Variants in PPFIA3 observed in about 807,000 individuals in gnomAD.
The protein encoded by PPFIA3 is PPFI scaffold protein A3.
PPFIA3 carries 26 observed loss-of-function variants against 145.8 expected under a neutral mutation model. The ratio of observed to expected loss-of-function variants is 0.18; its 90% CI spans 0.13 to 0.25. The LOEUF is 0.25. Ranked by LOEUF, PPFIA3 falls within the 10% of genes least tolerant of loss-of-function variation. PPFIA3 has a pLI of 1.00. For missense variants in PPFIA3, 1,008 were observed against 1,587.8 expected (o/e 0.63, Z 6.21); for synonymous variants, 645 against 661.4 (o/e 0.98, Z 0.38).
Position 49,130,204 on chromosome 19 carries a change from G to A in PPFIA3, c.657+137G>A. On this transcript the variant is annotated intron_variant, in intron 6 of 29. Transcript: ENST00000334186. This position sits in a 1 kb window ranked among gnomAD's most constrained non-coding sequence, Gnocchi z 4.5. Reference sequence around the variant, plus strand: ...AGAGTGTCACAGAGCTTGGACCTCTGATTCAGGTCACCTAGCGAACTTCTG... The same window carrying A: ...AGAGTGTCACAGAGCTTGGACCTCTAATTCAGGTCACCTAGCGAACTTCTG... The A allele has an allele frequency of 8.5e-7, 1 of 1,173,134 alleles. No homozygotes were observed. The highest frequency in any genetic ancestry group is 1.2e-6 in the Non-Finnish European group (1 of 843,386). The allele number at this position is 1,173,134 out of a possible 1,614,324, so 72.7% of individuals were successfully genotyped here. A position where few individuals can be genotyped will look rare whatever the true frequency, so the allele number is the denominator to read the frequency against.
At chr19:49,137,972 C>T (rs1050407086) in intron 15 of PPFIA3, among the ~76,000 whole-genome samples, 1 of 152,224 alleles carries the variant, frequency 6.6e-6, no homozygotes, top group South Asian at 2.1e-4. Context: ...ATACAAACCC[C>T]AATCACCTTG....
rs1682432084 is a variant in PPFIA3, at chr19:49,130,147, T to A, written c.657+80T>A. The stretch of plus-strand genomic sequence containing the variant: ...ATAGTGTTTGTAACGTTTGGTATCA[T>A]CCTCACTGGCCCTAAGACGGCTGCA... On this transcript the variant is annotated intron_variant, in intron 6 of 29. Transcript: ENST00000334186. This position sits in a 1 kb window ranked among gnomAD's most constrained non-coding sequence, Gnocchi z 4.5. 1.4e-6 allele frequency: 2 copies of A among 1,441,622 alleles called. No individual in the cohort carries two copies. Among genetic ancestry groups the A allele is most frequent in the African/African-American group, 2.8e-5 (2 of 70,246 alleles). 89.3% of individuals were successfully genotyped at this position (1,441,622 alleles called of 1,614,324 possible).
chr19:49,148,346 C>A (rs2041303582), intron 24 of PPFIA3, 88 bp downstream of exon 24: 1 of 1,408,476 alleles, frequency 7.1e-7, no homozygotes, highest in African/African-American at 1.4e-5. Context: ...ATGGGAGATT[C>A]CCAGGCTTAT....
chr19:49,146,223 T>A (rs781321491), intron 23 of PPFIA3, 31 bp downstream of exon 23: 16 of 1,610,852 alleles, frequency 9.9e-6, no homozygotes, highest in Non-Finnish European at 1.3e-5. Flanking sequence ...CGTGAGCGCA[T>A]GAACAGGCTG....
chr19:49,146,327 G>A, intron 23 of PPFIA3, 135 bp downstream of exon 23: 1 of 1,136,090 alleles, frequency 8.8e-7, no homozygotes, highest in Admixed American at 2.5e-5. Flanking sequence ...GCCAAGCTTG[G>A]CTCTGGACTG....
Position 49,133,993 on chromosome 19 carries a change from C to A in PPFIA3, c.1246-41C>A. On this transcript the variant is annotated intron_variant, in intron 10 of 29. Coordinates refer to ENST00000334186, the MANE Select transcript of PPFIA3 (RefSeq NM_003660.4). The surrounding 1 kb of genome is among the most constrained non-coding windows in gnomAD (Gnocchi z 7.2). ...CTTAGAGGAAGGGCCGTGGTCTGGG[C>A]AGGGTGGGCTTAACAACCCGCCCCG... 1 of 1,605,288 alleles carries A rather than the reference C, an allele frequency of 6.2e-7. No homozygotes were observed. The highest frequency in any genetic ancestry group is 8.5e-7 in the Non-Finnish European group (1 of 1,175,612).
chr19:49,149,336 C>G lies in PPFIA3; in HGVS notation c.3354+11C>G, dbSNP rs1313274540. 1 of 1,613,756 alleles carries G rather than the reference C, an allele frequency of 6.2e-7. No individual in the cohort carries two copies. The highest frequency in any genetic ancestry group is 8.5e-7 in the Non-Finnish European group (1 of 1,179,970). On this transcript the variant is annotated intron_variant, in intron 27 of 29. Transcript: ENST00000334186. This position sits in a 1 kb window ranked among gnomAD's most constrained non-coding sequence, Gnocchi z 5.7. ...AGGCGGCTGGACGAGGTGGGCGCGG[C>G]AACAGCTCAGAGGGCTCTGCTCCCA...
intron 18 of PPFIA3, among the ~76,000 whole-genome samples, chr19:49,140,701 C>T (rs1375283126): frequency 8.1e-6 from 1 of 123,416 alleles, no homozygotes; most frequent in Non-Finnish European, 1.6e-5. Context: ...GTCGCCCAGG[C>T]TGGAGTGCAG....
intron 25 of PPFIA3, 56 bp from the exon 26 acceptor site, chr19:49,148,937 A>C (rs2041310522): frequency 6.3e-7 from 1 of 1,599,580 alleles, no homozygotes; most frequent in African/African-American, 1.3e-5. Flanking sequence ...GTATGGGCTA[A>C]ACTGAACTCT....
Position 49,140,092 on chromosome 19 carries a change from A to C in PPFIA3, c.2368+4A>C. 6.2e-7 allele frequency: 1 copy of C among 1,613,778 alleles called. No homozygotes were observed. The highest frequency in any genetic ancestry group is 1.1e-5 in the South Asian group (1 of 91,048). On this transcript the variant is annotated splice_donor_region_variant and intron_variant, in intron 18 of 29. Transcript: ENST00000334186. ...GGCCGGGACAGCTCTTCTCTGGGTG[A>C]GTACCTCACTCTAACCCTTCCCTCC... is the stretch of plus-strand genomic sequence containing the variant.
intron 21 of PPFIA3, 93 bp downstream of exon 21, chr19:49,143,097 G>A (rs532571129): frequency 3.6e-6 from 5 of 1,376,914 alleles, no homozygotes; most frequent in Non-Finnish European, 5.0e-6. Context: ...TCACTCCCCT[G>A]TCCCACGACC....
Position 49,128,079 on chromosome 19 carries a change from C to T in PPFIA3, c.206C>T (p.Ser69Leu). The T allele has an allele frequency of 6.3e-7, 1 of 1,586,246 alleles. No homozygotes were observed. Among genetic ancestry groups the T allele is most frequent in the Non-Finnish European group, 8.5e-7 (1 of 1,174,354 alleles). ...CGCGAGCTCGGCCACGAGAAGGACT[C>T]GCTGCAGCGCCAGCTCAGCATCGCG... The part of the protein sequence containing the change: ...RLRELGHEKD[S>L]LQRQLSIALP... The change falls in exon 2 of 30, where the codon TCG (serine) becomes TTG (leucine). Residue 69 changes from serine to leucine, a missense_variant. Physicochemically the swap from Ser to Leu is moderately radical, Grantham distance 145. Coordinates refer to ENST00000334186, the MANE Select transcript of PPFIA3 (RefSeq NM_003660.4). The surrounding 1 kb of genome is among the most constrained non-coding windows in gnomAD (Gnocchi z 4.1).
At chr19:49,138,578 G>A (rs904090422) in intron 16 of PPFIA3, 151 bp downstream of exon 16, 4 of 559,612 alleles carry the variant, frequency 7.1e-6, no homozygotes, top group Non-Finnish European at 1.1e-5. Context: ...AAAGGGCAAA[G>A]GGGAGGCTGA....
In PPFIA3 at chr19:49,140,351, T is replaced by C. The variant is rs531406428; in HGVS notation, c.2368+263T>C. 2.7e-3 allele frequency among the ~76,000 whole-genome samples: 412 copies of C among 152,156 alleles called. 1 individual carries two copies. The highest frequency in any genetic ancestry group is 9.2e-3 in the African/African-American group (381 of 41,494). On this transcript the variant is annotated intron_variant, in intron 18 of 29. Coordinates refer to ENST00000334186, the MANE Select transcript of PPFIA3 (RefSeq NM_003660.4). ...TATTTTTTTGTTGTTTTTTGGTTTT[T>C]GTTGTTGTTGTTTTGAGATGGAGTT...
In PPFIA3 at chr19:49,129,384, G is replaced by T; in HGVS notation, c.512G>T (p.Arg171Leu). ...EHHKALDEKV[R>L]ERLRMALERV... ...TTGCCCTGCCCCGATCCCCAGGTCC[G>T]GGAGCGGCTGCGGATGGCGCTGGAG... Residue 171 changes from arginine (R) to leucine (L), a missense_variant, in exon 5 of 30, where the codon CGG becomes CTG. Coordinates refer to ENST00000334186, the MANE Select transcript of PPFIA3 (RefSeq NM_003660.4). The T allele has an allele frequency of 6.5e-7, 1 of 1,550,190 alleles. No homozygotes were observed. The highest frequency in any genetic ancestry group is 1.4e-5 in the African/African-American group (1 of 73,250).
chr19:49,142,526 T>C (rs1252521786), intron 20 of PPFIA3, among the ~76,000 whole-genome samples: 1 of 150,036 alleles, frequency 6.7e-6, no homozygotes, highest in Non-Finnish European at 1.5e-5. Context: ...TTTCTCTCTC[T>C]CTATTTCTTT....
At position 49,128,357 on chromosome 19, in the gene PPFIA3, G is replaced by C. The variant is rs759582401; in HGVS notation, c.241-10G>C. The C allele has an allele frequency of 2.5e-6, 4 of 1,612,424 alleles. No homozygotes were observed. Among genetic ancestry groups the C allele is most frequent in the Non-Finnish European group, 3.4e-6 (4 of 1,178,462 alleles). ...AGCCGAATGTCCAGATCCTGCCAAT[G>C]TCTGGACAGGAGTTTGCAGCTCTGA... On this transcript the variant is annotated splice_polypyrimidine_tract_variant and intron_variant, in intron 2 of 29. Coordinates refer to ENST00000334186, the MANE Select transcript of PPFIA3 (RefSeq NM_003660.4). The surrounding 1 kb of genome is among the most constrained non-coding windows in gnomAD (Gnocchi z 4.1).
chr19:49,139,941 A>T lies in PPFIA3; in HGVS notation c.2241-20A>T, dbSNP rs768846601. The T allele has an allele frequency of 7.4e-6, 12 of 1,614,106 alleles. No homozygotes were observed. The highest frequency in any genetic ancestry group is 1.0e-5 in the Non-Finnish European group (12 of 1,180,026). ...GGCATCTCAGCAAGCATATGCTCTC[A>T]TTCTCTCCTGCTTTCCCAGTGAGGG... On this transcript the variant is annotated intron_variant, in intron 17 of 29. Transcript: ENST00000334186.
intron 1 of PPFIA3, chr19:49,125,579 G>A (rs2122529691): frequency 6.6e-6 from 1 of 152,450 alleles, no homozygotes; most frequent in South Asian, 2.1e-4. Context: ...GCTTCAAGAG[G>A]GCTGGGGCTG....
Sources: gnomAD v4.1 joint callset for allele counts (sites outside exome capture counted in the v4.1 genomes callset) on GRCh38, gnomAD v4.1.1 for gene constraint, Gnocchi (gnomAD v3.1) non-coding constraint, MANE v1.5 for transcripts, NCBI Gene and HGNC (gene_info 2026-07-23, HGNC 2026-07-21) for gene names.